Variants in MARCHF8 observed in about 807,000 individuals in gnomAD.
MARCHF8 encodes membrane associated ring-CH-type finger 8, also known as E3 ubiquitin-protein ligase MARCHF8.
A neutral mutation model predicts 51.6 loss-of-function variants in MARCHF8; 40 were observed. The ratio of observed to expected loss-of-function variants is 0.77; its 90% CI spans 0.60 to 1.01. The LOEUF is 1.01. Among genes scored for constraint, MARCHF8 ranks in the 50% least tolerant of loss-of-function variants. MARCHF8 has a pLI of 0.00. For synonymous variants in MARCHF8, 263 were observed against 280.3 expected, an observed-to-expected ratio of 0.94 and a Z score of 0.62; for missense variants, 685 against 708.6, an observed-to-expected ratio of 0.97 and a Z score of 0.38.
chr10:45,519,642 C>T (rs904288382), intron 2 of MARCHF8, among the ~76,000 whole-genome samples: 2 of 152,118 alleles, frequency 1.3e-5, no homozygotes, highest in Admixed American at 6.5e-5. Flanking sequence ...TTTCATGCAT[C>T]GTAAAATATT....
At chr10:45,521,240 A>G (rs1364114781) in intron 2 of MARCHF8, among the ~76,000 whole-genome samples, 2 of 152,214 alleles carry the variant, frequency 1.3e-5, no homozygotes, top group Non-Finnish European at 2.9e-5. Flanking sequence ...AGCCTCTTGA[A>G]TAAGACAGGA....
intron 1 of MARCHF8, among the ~76,000 whole-genome samples, chr10:45,582,513 T>G (rs1589194719): frequency 6.6e-6 from 1 of 152,138 alleles, no homozygotes; most frequent in Non-Finnish European, 1.5e-5. Context: ...AAAACCAGAA[T>G]GGCAGAACTG....
chr10:45,592,825 A>T (rs778437155), intron 1 of MARCHF8, among the ~76,000 whole-genome samples: 2 of 152,242 alleles, frequency 1.3e-5, no homozygotes, highest in Non-Finnish European at 1.5e-5. Flanking sequence ...CAGCAAGCCC[A>T]GTTACACTTT....
rs926797079 is a variant in MARCHF8 at position 45,490,972 on chromosome 10, T to C, written c.103-1555A>G. Among the ~76,000 whole-genome samples, 48 of 152,206 alleles carry C rather than the reference T, an allele frequency of 3.2e-4. 1 individual carries two copies. The highest frequency in any genetic ancestry group is 1.0e-3 in the African/African-American group (43 of 41,456). ...GAGTGCAGTGGCACAATCACAATCA[T>C]GCTTCACTGAAGCCTCAACCTCCTG... On this transcript the variant is annotated intron_variant, in intron 2 of 7. Coordinates refer to ENST00000453424, the MANE Select transcript of MARCHF8 (RefSeq NM_001282866.2).
At chr10:45,465,912 A>G (rs769032737) in intron 3 of MARCHF8, among the ~76,000 whole-genome samples, 4 of 152,352 alleles carry the variant, frequency 2.6e-5, no homozygotes, top group Non-Finnish European at 2.9e-5. Flanking sequence ...ACATGAAAAT[A>G]GCATCCTTGA....
intron 2 of MARCHF8, among the ~76,000 whole-genome samples, chr10:45,516,849 A>C (rs1050132658): frequency 6.6e-6 from 1 of 152,124 alleles, no homozygotes; most frequent in African/African-American, 2.4e-5. Flanking sequence ...AGTCCAACCC[A>C]ATCCAGAGCC....
At chr10:45,506,476 C>T (rs191884869) in intron 2 of MARCHF8, among the ~76,000 whole-genome samples, 1 of 152,212 alleles carries the variant, frequency 6.6e-6, no homozygotes, top group Admixed American at 6.5e-5. Context: ...ATTCTGATGA[C>T]CTTGTATTTC....
chr10:45,490,743 G>A (rs1015614075), intron 2 of MARCHF8, among the ~76,000 whole-genome samples: 4 of 152,164 alleles, frequency 2.6e-5, no homozygotes, highest in Non-Finnish European at 4.4e-5. Context: ...GCCTAAGGAA[G>A]AGAAGATCTT....
At chr10:45,569,297 T>C (rs1408463541) in intron 1 of MARCHF8, among the ~76,000 whole-genome samples, 1 of 151,998 alleles carries the variant, frequency 6.6e-6, no homozygotes, top group African/African-American at 2.4e-5. Context: ...TTTTTGAGGG[T>C]TTTTCAACAT....
At chr10:45,466,549 G>A (rs1247632734) in intron 3 of MARCHF8, among the ~76,000 whole-genome samples, 1 of 152,122 alleles carries the variant, frequency 6.6e-6, no homozygotes, top group Non-Finnish European at 1.5e-5. Context: ...AACTGATGAG[G>A]CATTGAAGGA....
intron 1 of MARCHF8, among the ~76,000 whole-genome samples, chr10:45,557,408 C>T (rs1000325736): frequency 6.6e-6 from 1 of 151,948 alleles, no homozygotes; most frequent in Admixed American, 6.6e-5. Flanking sequence ...GGATTACAGA[C>T]GTGAGACACC....
At chr10:45,567,386 C>T (rs993354817) in intron 1 of MARCHF8, among the ~76,000 whole-genome samples, 6 of 152,176 alleles carry the variant, frequency 3.9e-5, no homozygotes, top group African/African-American at 1.4e-4. Flanking sequence ...CCTAATGTTT[C>T]CTTGTAGTAG....
chr10:45,594,735 G>A (rs1490302997), exon 1 of MARCHF8: 1 of 152,210 alleles, frequency 6.6e-6, no homozygotes, highest in South Asian at 2.1e-4. Flanking sequence ...CGCGCGGCGT[G>A]GGGGACTCCG....
At chr10:45,464,631 A>G (rs1301519680) in intron 3 of MARCHF8, among the ~76,000 whole-genome samples, 1 of 152,246 alleles carries the variant, frequency 6.6e-6, no homozygotes, top group African/African-American at 2.4e-5. Context: ...ATATAAGTCA[A>G]AAAACGAAGT....
chr10:45,506,319 T>C (rs1040143929), intron 2 of MARCHF8, among the ~76,000 whole-genome samples: 5 of 152,328 alleles, frequency 3.3e-5, no homozygotes, highest in Admixed American at 2.0e-4. Flanking sequence ...TTTATCAATA[T>C]TAAGTATAAG....
chr10:45,576,938 TA>T (rs1439670148), intron 1 of MARCHF8, among the ~76,000 whole-genome samples: 2 of 130,276 alleles, frequency 1.5e-5, no homozygotes, highest in East Asian at 4.4e-4. Context: ...GCCTGGGTGA[TA>T]AAGTGAGACT....
exon 1 of MARCHF8, chr10:45,594,675 C>G (rs1474491257): frequency 6.6e-6 from 1 of 150,974 alleles, no homozygotes; most frequent in African/African-American, 2.4e-5. Context: ...ACACCCCCTG[C>G]CCGGGCCGGG....
intron 1 of MARCHF8, among the ~76,000 whole-genome samples, chr10:45,572,095 G>C (rs2044435534): frequency 6.7e-6 from 1 of 150,052 alleles, no homozygotes; most frequent in Admixed American, 6.7e-5. Flanking sequence ...TTTCCTGGGG[G>C]GCAAGCACCC....
rs1286545400 is a variant in MARCHF8, at chr10:45,458,456, T to C, written c.1505A>G (p.Lys502Arg). Residue 502 changes from lysine (K) to arginine (R), a missense_variant, in exon 8 of 8, where the codon AAA becomes AGA. By Grantham distance (26) the Lys-to-Arg change is conservative. Transcript: ENST00000453424. Reference sequence around the variant, plus strand: ...TCTCTTCCACAATTGCACATACACTTTACACTGAACATACATAAAAAGAAG... The same window carrying C: ...TCTCTTCCACAATTGCACATACACTCTACACTGAACATACATAAAAAGAAG... ...GGLLFMYVQC[K>R]VYVQLWKRLK... The C allele has an allele frequency of 6.2e-7, 1 of 1,614,024 alleles. No individual in the cohort carries two copies. The highest frequency in any genetic ancestry group is 1.3e-5 in the African/African-American group (1 of 74,904).
Sources: allele counts gnomAD v4.1 joint callset (sites outside exome capture counted in the v4.1 genomes callset), GRCh38; gene constraint gnomAD v4.1.1; transcripts MANE v1.5; gene names NCBI Gene and HGNC (gene_info 2026-07-23, HGNC 2026-07-21).